The following ACTR2 variants were observed in gnomAD, a reference collection of about 807,000 sequenced individuals.
The protein encoded by ACTR2 is actin-related protein 2.
A neutral mutation model predicts 50.2 loss-of-function variants in ACTR2; 5 were observed. The observed-to-expected ratio is 0.10, with a 90% confidence interval of 0.05 to 0.21. The LOEUF (loss-of-function observed/expected upper bound fraction) is 0.21, where lower values mean the gene tolerates loss of function less well. Ranked by LOEUF, ACTR2 falls within the 10% of genes least tolerant of loss-of-function variation. The probability of loss-of-function intolerance (pLI) is 1.00; values close to 1 mark genes in which losing one functional copy is unlikely to be tolerated. For synonymous variants in ACTR2, 140 were observed against 162.9 expected (o/e 0.86, Z 1.07); for missense variants, 180 against 480.6 (o/e 0.37, Z 5.85).
chr2:65,250,349 G>A (rs1298952866), intron 3 of ACTR2, among the ~76,000 whole-genome samples: 1 of 148,646 alleles, frequency 6.7e-6, no homozygotes, highest in African/African-American at 2.5e-5. Context: ...GGGCGACAGA[G>A]CAAGACTCCG....
intron 3 of ACTR2, among the ~76,000 whole-genome samples, chr2:65,250,482 G>GA (rs972464867): frequency 3.3e-5 from 5 of 151,702 alleles, no homozygotes; most frequent in Admixed American, 6.6e-5. Flanking sequence ...AGACTAGCCT[G>GA]GCCAACATAG....
chr2:65,248,225 C>T (rs149142939), intron 3 of ACTR2, among the ~76,000 whole-genome samples: 77 of 152,200 alleles, frequency 5.1e-4, no homozygotes, highest in Non-Finnish European at 6.2e-4. Context: ...CATAGTGAAA[C>T]GCCATCTCTA....
intron 7 of ACTR2, 25 bp from the exon 8 acceptor site, chr2:65,265,018 A>G: frequency 6.2e-7 from 1 of 1,613,296 alleles, no homozygotes; most frequent in Non-Finnish European, 8.5e-7. Context: ...AAAACTCCAA[A>G]TGAATAACCA....
intron 1 of ACTR2, among the ~76,000 whole-genome samples, chr2:65,234,961 A>G (rs1171625777): frequency 2.0e-5 from 3 of 152,082 alleles, no homozygotes; most frequent in Non-Finnish European, 1.5e-5. Flanking sequence ...TAATATCAAA[A>G]TAGTATTTAA....
chr2:65,261,678 T>C (rs1391397622), intron 7 of ACTR2, among the ~76,000 whole-genome samples: 4 of 152,242 alleles, frequency 2.6e-5, no homozygotes, highest in Non-Finnish European at 5.9e-5. Context: ...AGTTCTTTAC[T>C]AGTTGGTGTT....
intron 1 of ACTR2, among the ~76,000 whole-genome samples, chr2:65,239,163 C>T (rs1671795091): frequency 6.6e-6 from 1 of 151,982 alleles, no homozygotes; most frequent in Admixed American, 6.6e-5. Flanking sequence ...TCTAAAAATA[C>T]TTAGCATTTT....
intron 8 of ACTR2, among the ~76,000 whole-genome samples, chr2:65,267,087 A>G (rs1307864318): frequency 2.0e-5 from 3 of 152,190 alleles, no homozygotes; most frequent in African/African-American, 7.2e-5. Context: ...CAGTTGAGGT[A>G]TTTACAGAAG....
intron 1 of ACTR2, among the ~76,000 whole-genome samples, chr2:65,234,151 A>T (rs544720839): frequency 6.6e-6 from 1 of 151,988 alleles, no homozygotes; most frequent in Non-Finnish European, 1.5e-5. Flanking sequence ...GGCCCAAGCA[A>T]TCCACCCACT....
intron 7 of ACTR2, among the ~76,000 whole-genome samples, chr2:65,264,485 T>C (rs2104021979): frequency 6.6e-6 from 1 of 152,336 alleles, no homozygotes; most frequent in African/African-American, 2.4e-5. Flanking sequence ...TTGGATTTTC[T>C]GATCTCATAG....
chr2:65,229,851 C>A (rs1671603299), intron 1 of ACTR2, among the ~76,000 whole-genome samples: 1 of 151,544 alleles, frequency 6.6e-6, no homozygotes, highest in Admixed American at 6.6e-5. Context: ...ATGGAAACGT[C>A]TAAGATTTTA....
chr2:65,230,245 A>G (rs1220275167), intron 1 of ACTR2, among the ~76,000 whole-genome samples: 1 of 152,074 alleles, frequency 6.6e-6, no homozygotes, highest in Non-Finnish European at 1.5e-5. Context: ...TGAATTTAAA[A>G]TTTTTTGTTT....
intron 1 of ACTR2, among the ~76,000 whole-genome samples, chr2:65,236,788 G>C (rs1338788600): frequency 6.6e-6 from 1 of 152,058 alleles, no homozygotes; most frequent in African/African-American, 2.4e-5. Flanking sequence ...CATCATGTTG[G>C]TCAGGCTGAT....
At chr2:65,235,523 G>T (rs1671723098) in intron 1 of ACTR2, among the ~76,000 whole-genome samples, 2 of 152,336 alleles carry the variant, frequency 1.3e-5, no homozygotes, top group South Asian at 4.1e-4. Context: ...TTGAGAGGCT[G>T]AGGCGAGTGG....
chr2:65,266,087 C>CAAGAA (rs1231711369), intron 8 of ACTR2, among the ~76,000 whole-genome samples: 2 of 152,154 alleles, frequency 1.3e-5, no homozygotes, highest in Non-Finnish European at 2.9e-5. Context: ...ATCATTTATT[C>CAAGAA]AGCAAACATT....
intron 2 of ACTR2, 93 bp downstream of exon 2, chr2:65,240,055 T>A (rs1181793616): frequency 2.3e-6 from 2 of 861,912 alleles, no homozygotes; most frequent in East Asian, 5.5e-5. Flanking sequence ...TTTTAAAATA[T>A]GTTGCCATGA....
chr2:65,251,519 A>G (rs999898648), intron 4 of ACTR2, among the ~76,000 whole-genome samples: 2 of 152,042 alleles, frequency 1.3e-5, no homozygotes, highest in Non-Finnish European at 2.9e-5. Context: ...GTGCCACCAC[A>G]CCTGGCTAAT....
At chr2:65,261,421 A>G in intron 7 of ACTR2, 29 bp downstream of exon 7, 1 of 1,577,244 alleles carries the variant, frequency 6.3e-7, no homozygotes, top group Non-Finnish European at 8.6e-7. Context: ...TTTCAAAGTT[A>G]TTTATCAGAA....
intron 5 of ACTR2, among the ~76,000 whole-genome samples, chr2:65,254,604 T>TG (rs1010915413): frequency 6.6e-6 from 1 of 152,178 alleles, no homozygotes; most frequent in African/African-American, 2.4e-5. Flanking sequence ...TGCTGTCCTC[T>TG]GGGGGATATT....
chr2:65,253,319 G>T (rs1218271697), intron 4 of ACTR2, among the ~76,000 whole-genome samples: 1 of 151,980 alleles, frequency 6.6e-6, no homozygotes, highest in African/African-American at 2.4e-5. Context: ...GTGCATGCCT[G>T]TAGTCCCAGC....
Sources: allele counts gnomAD v4.1 joint callset (sites outside exome capture counted in the v4.1 genomes callset), GRCh38; gene constraint gnomAD v4.1.1; transcripts MANE v1.5; gene names NCBI Gene and HGNC (gene_info 2026-07-23, HGNC 2026-07-21).